Variants in KCNQ5 observed in about 807,000 individuals in gnomAD.
The protein encoded by KCNQ5 is potassium voltage-gated channel subfamily Q member 5.
In KCNQ5, 30 loss-of-function variants were observed where a neutral mutation model predicts 98.2. The observed-to-expected ratio is 0.31, with a 90% CI of 0.23 to 0.41. KCNQ5 has a LOEUF of 0.41. Ranked by LOEUF, KCNQ5 falls within the 10% of genes least tolerant of loss-of-function variation. The probability of loss-of-function intolerance (pLI) is 1.00; values close to 1 mark genes in which losing one functional copy is unlikely to be tolerated. For missense variants in KCNQ5, 835 were observed against 1,182.5 expected (o/e 0.71, Z 4.31); for synonymous variants, 458 against 449.4 (o/e 1.02, Z -0.24).
chr6:73,028,967 A>AT (rs1296702743), intron 2 of KCNQ5, among the ~76,000 whole-genome samples: 1 of 152,166 alleles, frequency 6.6e-6, no homozygotes, highest in Non-Finnish European at 1.5e-5. Flanking sequence ...ATACTAAGTG[A>AT]TTTTCCAAAT....
chr6:73,009,644 T>C lies in KCNQ5; in HGVS notation c.489+5646T>C, dbSNP rs559304946. ...CAGACAAACCTTTAGATAGATGAAC[T>C]AAGAAAAAAGAATACTCGAATTAAT... is the stretch of plus-strand genomic sequence containing the variant. On this transcript the variant is annotated intron_variant, in intron 2 of 13. Transcript: ENST00000370398. Among the ~76,000 whole-genome samples the C allele has an allele frequency of 3.3e-5, 5 of 151,978 alleles. 1 individual carries two copies. The highest frequency in any genetic ancestry group is 1.2e-4 in the African/African-American group (5 of 41,456).
intron 5 of KCNQ5, among the ~76,000 whole-genome samples, chr6:73,094,570 T>G (rs1774400438): frequency 6.6e-6 from 1 of 152,176 alleles, no homozygotes; most frequent in South Asian, 2.1e-4. Flanking sequence ...CAGGATTTGT[T>G]TCGAGATTTA....
At chr6:72,634,346 C>T (rs192931036) in intron 1 of KCNQ5, among the ~76,000 whole-genome samples, 2 of 152,210 alleles carry the variant, frequency 1.3e-5, no homozygotes, top group Admixed American at 1.3e-4. Flanking sequence ...GACGTGCTAG[C>T]TTATTTTCTT....
chr6:72,829,216 G>A (rs1478386751), intron 1 of KCNQ5, among the ~76,000 whole-genome samples: 1 of 152,118 alleles, frequency 6.6e-6, no homozygotes, highest in African/African-American at 2.4e-5. Context: ...CGCTTATGGA[G>A]ATGCTCTTCA....
intron 1 of KCNQ5, among the ~76,000 whole-genome samples, chr6:72,644,191 TC>T (rs1162124802): frequency 1.3e-5 from 2 of 152,192 alleles, no homozygotes; most frequent in African/African-American, 4.8e-5. Flanking sequence ...CAGGGTTAGG[TC>T]CTATGAGCCT....
At chr6:72,665,985 A>G (rs535131118) in intron 1 of KCNQ5, among the ~76,000 whole-genome samples, 2 of 152,308 alleles carry the variant, frequency 1.3e-5, no homozygotes, top group South Asian at 4.1e-4. Flanking sequence ...TTGGCTTCTC[A>G]TGACCTCATA....
intron 1 of KCNQ5, among the ~76,000 whole-genome samples, chr6:72,932,020 C>T (rs1765715339): frequency 6.6e-6 from 1 of 152,154 alleles, no homozygotes; most frequent in East Asian, 1.9e-4. Flanking sequence ...AGAATAAACA[C>T]CTGACTGCAT....
chr6:72,816,300 G>C (rs1775506927), intron 1 of KCNQ5, among the ~76,000 whole-genome samples: 1 of 152,188 alleles, frequency 6.6e-6, no homozygotes, highest in Non-Finnish European at 1.5e-5. Context: ...GCATGAACAG[G>C]TGGTGAGCAA....
intron 1 of KCNQ5, among the ~76,000 whole-genome samples, chr6:72,915,622 A>G (rs1780101943): frequency 6.6e-6 from 1 of 152,180 alleles, no homozygotes; most frequent in Non-Finnish European, 1.5e-5. Context: ...TATGCTAAGA[A>G]CTTAAAGATT....
chr6:73,116,666 A>G (rs916499085), intron 7 of KCNQ5, among the ~76,000 whole-genome samples: 5 of 152,266 alleles, frequency 3.3e-5, no homozygotes, highest in African/African-American at 1.2e-4. Context: ...ATAGAGTATG[A>G]CCCTGTCTCA....
At chr6:73,102,617 A>G (rs562046445) in intron 5 of KCNQ5, among the ~76,000 whole-genome samples, 4 of 152,190 alleles carry the variant, frequency 2.6e-5, no homozygotes, top group Admixed American at 2.0e-4. Flanking sequence ...GACATTACAA[A>G]CCACAAACAG....
chr6:72,826,351 G>A (rs1018449561), intron 1 of KCNQ5, among the ~76,000 whole-genome samples: 4 of 152,076 alleles, frequency 2.6e-5, no homozygotes, highest in African/African-American at 9.7e-5. Context: ...ATTTTTTGTG[G>A]ATTAGAAATA....
intron 1 of KCNQ5, among the ~76,000 whole-genome samples, chr6:72,811,613 C>T (rs937947410): frequency 6.6e-6 from 1 of 152,152 alleles, no homozygotes; most frequent in Non-Finnish European, 1.5e-5. Flanking sequence ...GTCACAGTAA[C>T]AGCATGTGTC....
intron 1 of KCNQ5, among the ~76,000 whole-genome samples, chr6:72,700,316 T>TATCG (rs948394667): frequency 6.6e-6 from 1 of 152,068 alleles, no homozygotes. Flanking sequence ...TCTATCTATC[T>TATCG]ATCTATCTAT....
At chr6:72,951,287 G>C (rs9351958) in intron 1 of KCNQ5, among the ~76,000 whole-genome samples, 26,626 of 151,772 alleles carry the variant, frequency 0.18, 2,495 homozygotes, top group East Asian at 0.25. Context: ...GTTTTTGCTT[G>C]TTTGTTTGAG....
rs1000354818 is a variant in KCNQ5 at position 72,740,225 on chromosome 6, G to A, written c.398+117638G>A. The stretch of plus-strand genomic sequence containing the variant: ...TTTACTAAGTACTTCTTATTTGCCA[G>A]TTTAAAGCATTGGAAGTAAGAGACA... On this transcript the variant is annotated intron_variant, in intron 1 of 13. Coordinates refer to ENST00000370398, the MANE Select transcript of KCNQ5 (RefSeq NM_019842.4). Among the ~76,000 whole-genome samples the A allele has an allele frequency of 2.0e-5, 3 of 152,254 alleles. No homozygotes were observed. In the East Asian group the frequency reaches 5.8e-4, roughly 29 times the overall value.
chr6:72,642,135 G>A (rs1156785495), intron 1 of KCNQ5, among the ~76,000 whole-genome samples: 1 of 149,446 alleles, frequency 6.7e-6, no homozygotes, highest in African/African-American at 2.5e-5. Context: ...TCCTAGGGAA[G>A]AGGGTTAGCT....
In KCNQ5 at chr6:73,057,750, T is replaced by C. The variant is rs944763865; in HGVS notation, c.616+15688T>C. The stretch of plus-strand genomic sequence containing the variant: ...TTCACAGAATTAGAAAAAAAAATTA[T>C]TTAAAAATTTGTATGAAACCAAAAA... On this transcript the variant is annotated intron_variant, in intron 3 of 13. Coordinates refer to ENST00000370398, the MANE Select transcript of KCNQ5 (RefSeq NM_019842.4). Among the ~76,000 whole-genome samples, 7 of 152,066 alleles carry C rather than the reference T, an allele frequency of 4.6e-5. No homozygotes were observed. The South Asian group carries it at 1.4e-3, about 31-fold the overall frequency.
At chr6:72,750,149 C>G (rs2154476539) in intron 1 of KCNQ5, among the ~76,000 whole-genome samples, 1 of 151,918 alleles carries the variant, frequency 6.6e-6, no homozygotes, top group East Asian at 1.9e-4. Flanking sequence ...AATAATCTGG[C>G]CACAATGTGA....
Sources: allele counts gnomAD v4.1 joint callset (sites outside exome capture counted in the v4.1 genomes callset), GRCh38; gene constraint gnomAD v4.1.1; transcripts MANE v1.5; gene names NCBI Gene and HGNC (gene_info 2026-07-23, HGNC 2026-07-21).